ADGRL2: variants seen among roughly 807,000 people sequenced by gnomAD.
The protein encoded by ADGRL2 is calcium-independent alpha-latrotoxin receptor 2.
A neutral mutation model predicts 157.4 loss-of-function variants in ADGRL2; 44 were observed. That is an observed-to-expected ratio of 0.28 (90% CI 0.22 to 0.36). ADGRL2 has a LOEUF of 0.36. Among genes scored for constraint, ADGRL2 ranks in the 10% least tolerant of loss-of-function variants. ADGRL2 has a pLI of 1.00. For missense variants in ADGRL2, 1,510 were observed against 1,768.9 expected, an observed-to-expected ratio of 0.85 and a Z score of 2.63; for synonymous variants, 585 against 624.7, an observed-to-expected ratio of 0.94 and a Z score of 0.95.
At chr1:81,733,643 T>C (rs1442678809) in intron 1 of ADGRL2, among the ~76,000 whole-genome samples, 1 of 152,168 alleles carries the variant, frequency 6.6e-6, no homozygotes, top group Admixed American at 6.5e-5. Context: ...TATTAACATA[T>C]GAATGTGGGG....
upstream of ADGRL2, among the ~76,000 whole-genome samples, chr1:81,697,279 T>C (rs1414879192): frequency 6.6e-6 from 1 of 152,212 alleles, no homozygotes; most frequent in Admixed American, 6.5e-5. Context: ...AAATTATCTA[T>C]GTCATAAGGA....
At chr1:81,981,530 A>G (rs764552845) in intron 18 of ADGRL2, among the ~76,000 whole-genome samples, 22 of 151,936 alleles carry the variant, frequency 1.4e-4, no homozygotes, top group Non-Finnish European at 2.8e-4. Flanking sequence ...ACAAAGTCAT[A>G]GGGGATATGT....
chr1:81,830,823 T>A (rs1445355151), intron 1 of ADGRL2, among the ~76,000 whole-genome samples: 1 of 152,178 alleles, frequency 6.6e-6, no homozygotes, highest in African/African-American at 2.4e-5. Context: ...TCATATTTAT[T>A]TTTAAGATCA....
At position 81,972,644 on chromosome 1, in the gene ADGRL2, C is replaced by G. The variant is rs527803044; in HGVS notation, c.3021+726C>G. ...TTTCACTCAGGCCTGGACATGGTGGCTCACACCTATAATCCCAGTATTTTG... is the reference window on the plus strand; with the variant it reads ...TTTCACTCAGGCCTGGACATGGTGGGTCACACCTATAATCCCAGTATTTTG... On this transcript the variant is annotated intron_variant, in intron 17 of 23. Transcript: ENST00000686636. 2.6e-5 allele frequency among the ~76,000 whole-genome samples: 4 copies of G among 152,236 alleles called. No individual in the cohort carries two copies. The South Asian group carries it at 8.3e-4, about 32-fold the overall frequency.
chr1:81,449,378 C>T (rs960068338), intron 2 of ADGRL2, among the ~76,000 whole-genome samples: 3 of 152,106 alleles, frequency 2.0e-5, no homozygotes, highest in African/African-American at 4.8e-5. Context: ...TTGAAGGGGT[C>T]GGGTAATTCA....
At chr1:81,546,007 G>A (rs574396272) in intron 2 of ADGRL2, among the ~76,000 whole-genome samples, 34 of 152,172 alleles carry the variant, frequency 2.2e-4, no homozygotes, top group Non-Finnish European at 4.3e-4. Flanking sequence ...GCCACTGGGT[G>A]CGGGGGGAAG....
chr1:81,819,631 C>T (rs2090781110), intron 1 of ADGRL2, among the ~76,000 whole-genome samples: 1 of 151,928 alleles, frequency 6.6e-6, no homozygotes, highest in Non-Finnish European at 1.5e-5. Flanking sequence ...GATATTCAGG[C>T]TACATGATCT....
At chr1:81,557,460 A>AAAGAAAGAAAGAAAG (rs1553123678) in intron 2 of ADGRL2, 13 of 65,180 alleles carry the variant, frequency 2.0e-4, no homozygotes, top group African/African-American at 5.2e-4. Flanking sequence ...AGAAAGAAAG[A>AAAGAAAGAAAGAAAG]AAGAAAGAAG....
Position 81,987,338 on chromosome 1 carries a change from A to G in ADGRL2, c.3637+309A>G, listed in dbSNP as rs76995529. 0.012 allele frequency: 19,099 copies of G among 1,543,878 alleles called. 173 individuals carry two copies. Among genetic ancestry groups the G allele is most frequent in the Non-Finnish European group, 0.015 (17,197 of 1,117,544 alleles). On this transcript the variant is annotated intron_variant, in intron 22 of 23. Transcript: ENST00000686636. ...CCCATCTTCAAGATTTATATCATTT[A>G]GAGGTATCCTATCTATATAATATAC...
intron 2 of ADGRL2, among the ~76,000 whole-genome samples, chr1:81,518,422 C>G (rs1172056492): frequency 6.6e-6 from 1 of 152,192 alleles, no homozygotes; most frequent in Non-Finnish European, 1.5e-5. Context: ...TCAAGCTTCA[C>G]ATTTTGTGAA....
At chr1:81,707,098 G>A (rs372205988) in intron 1 of ADGRL2, among the ~76,000 whole-genome samples, 6 of 152,250 alleles carry the variant, frequency 3.9e-5, no homozygotes, top group African/African-American at 1.4e-4. Context: ...CCAACCAGAG[G>A]CCTGTTGTAA....
At position 81,909,818 on chromosome 1, in the gene ADGRL2, C is replaced by T. The variant is rs538009555; in HGVS notation, c.287+2588C>T. On this transcript the variant is annotated intron_variant, in intron 3 of 23. Transcript: ENST00000686636. ...TTAGATGTAAGGAAAATTTTGCCCA[C>T]GTTCAAATTCAGTATCATTCAAATT... 6.6e-5 allele frequency among the ~76,000 whole-genome samples: 10 copies of T among 151,836 alleles called. No individual in the cohort carries two copies. The South Asian group carries it at 2.1e-3, about 32-fold the overall frequency.
intron 1 of ADGRL2, chr1:81,721,949 A>G (rs1476223634): frequency 3.2e-6 from 2 of 633,374 alleles, no homozygotes; most frequent in Non-Finnish European, 5.9e-6. Flanking sequence ...TTGATAATGA[A>G]TGGGTGATTG....
At chr1:81,835,685 A>C (rs879643686) in intron 1 of ADGRL2, among the ~76,000 whole-genome samples, 1 of 151,960 alleles carries the variant, frequency 6.6e-6, no homozygotes, top group African/African-American at 2.4e-5. Context: ...CATAATACTG[A>C]TGTTGGTGAT....
At chr1:81,952,911 T>C in intron 9 of ADGRL2, 76 bp from the exon 10 acceptor site, 1 of 1,199,846 alleles carries the variant, frequency 8.3e-7, no homozygotes, top group Non-Finnish European at 1.2e-6. Context: ...CAGCTTAATT[T>C]TTGAGGATTT....
chr1:81,375,764 C>A (rs2076238158), intron 1 of ADGRL2, among the ~76,000 whole-genome samples: 1 of 152,084 alleles, frequency 6.6e-6, no homozygotes, highest in South Asian at 2.1e-4. Context: ...TCTGGACCCC[C>A]CTCCATGGGA....
intron 1 of ADGRL2, among the ~76,000 whole-genome samples, chr1:81,731,863 C>T (rs115214040): frequency 0.037 from 5,629 of 152,244 alleles, 171 homozygotes; most frequent in Non-Finnish European, 0.054. Flanking sequence ...GTGCTAAGCA[C>T]TTGAGATACA....
At chr1:81,729,959 T>G (rs2084664404) in intron 1 of ADGRL2, among the ~76,000 whole-genome samples, 1 of 152,224 alleles carries the variant, frequency 6.6e-6, no homozygotes, top group Non-Finnish European at 1.5e-5. Context: ...CCTTCCTTAA[T>G]GACTGATAGA....
intron 2 of ADGRL2, among the ~76,000 whole-genome samples, chr1:81,480,946 T>A (rs7549808): frequency 0.97 from 147,372 of 152,226 alleles, 71,480 homozygotes; most frequent in East Asian, 1. Context: ...CTGTATCCTT[T>A]AAGGGTTAGA....
Sources: gnomAD v4.1 joint callset for allele counts (sites outside exome capture counted in the v4.1 genomes callset) on GRCh38, gnomAD v4.1.1 for gene constraint, MANE v1.5 for transcripts, NCBI Gene and HGNC (gene_info 2026-07-23, HGNC 2026-07-21) for gene names.